Variants in POLR3G observed in about 807,000 individuals in gnomAD.
The protein encoded by POLR3G is RNA polymerase III subunit G.
A neutral mutation model predicts 30.1 loss-of-function variants in POLR3G; 28 were observed. The observed-to-expected ratio is 0.93, with a 90% confidence interval of 0.69 to 1.27. The LOEUF is 1.27. POLR3G is among the 50% of genes most tolerant of loss of function. The probability of loss-of-function intolerance (pLI) is 0.00; values close to 1 mark genes in which losing one functional copy is unlikely to be tolerated. For missense variants in POLR3G, 254 were observed against 264.6 expected, an observed-to-expected ratio of 0.96 and a Z score of 0.28; for synonymous variants, 79 against 82.5, an observed-to-expected ratio of 0.96 and a Z score of 0.23.
At chr5:90,490,570 A>AT in intron 3 of POLR3G, 7 of 387,514 alleles carry the variant, frequency 1.8e-5, no homozygotes, top group South Asian at 5.5e-5. Context: ...GCTAACTTTT[A>AT]ATTTTTTTTT....
chr5:90,506,278 G>C (rs1404149456), intron 6 of POLR3G, among the ~76,000 whole-genome samples: 1 of 152,146 alleles, frequency 6.6e-6, no homozygotes, highest in African/African-American at 2.4e-5. Context: ...TTGTGCATTA[G>C]AGCTGATAAG....
At position 90,512,837 on chromosome 5, in the gene POLR3G, T is replaced by C. The variant is rs1752800552; in HGVS notation, c.*698T>C. On this transcript the variant is annotated 3_prime_UTR_variant, in exon 8 of 8. Transcript: ENST00000651687. ...ACTGTATATGAATTAATCATCCCAC[T>C]GTAATAACTGACATCTTCAAATAGT... 1 of 152,302 alleles carries C rather than the reference T, an allele frequency of 6.6e-6. No individual in the cohort carries two copies. The highest frequency in any genetic ancestry group is 2.4e-5 in the African/African-American group (1 of 41,570). The allele number at this position is 152,302 out of a possible 1,614,324, so 9.4% of individuals were successfully genotyped here.
chr5:90,504,542 A>G (rs1269493159), intron 6 of POLR3G, among the ~76,000 whole-genome samples: 1 of 131,544 alleles, frequency 7.6e-6, no homozygotes, highest in Admixed American at 7.5e-5. Context: ...AGCCTGGGTG[A>G]CAGAGCAAGA....
At chr5:90,508,274 T>G (rs924760953) in intron 7 of POLR3G, among the ~76,000 whole-genome samples, 2 of 152,070 alleles carry the variant, frequency 1.3e-5, no homozygotes, top group African/African-American at 4.8e-5. Context: ...AAGAGGAAAC[T>G]CTATTAAATT....
At chr5:90,489,052 T>C (rs1185147457) in intron 3 of POLR3G, among the ~76,000 whole-genome samples, 2 of 152,164 alleles carry the variant, frequency 1.3e-5, no homozygotes, top group Non-Finnish European at 2.9e-5. Context: ...TCTCATTCCA[T>C]TCGTATTAAA....
At chr5:90,506,366 C>T (rs1324665162) in intron 6 of POLR3G, among the ~76,000 whole-genome samples, 162 bp from the exon 7 acceptor site, 2 of 152,146 alleles carry the variant, frequency 1.3e-5, no homozygotes, top group Admixed American at 6.5e-5. Flanking sequence ...ACAGTAAATT[C>T]CTTCTTTCTT....
At chr5:90,496,524 T>C (rs927673526) in intron 4 of POLR3G, among the ~76,000 whole-genome samples, 1 of 152,154 alleles carries the variant, frequency 6.6e-6, no homozygotes, top group Non-Finnish European at 1.5e-5. Flanking sequence ...AAGAACCATA[T>C]CCAAAAAGAA....
At chr5:90,483,218 G>A (rs962883336) in intron 1 of POLR3G, among the ~76,000 whole-genome samples, 1 of 151,322 alleles carries the variant, frequency 6.6e-6, no homozygotes, top group African/African-American at 2.4e-5. Context: ...TAAAACTCCG[G>A]TCTCCCGCAC....
intron 7 of POLR3G, among the ~76,000 whole-genome samples, chr5:90,506,997 C>T (rs759799986): frequency 1.3e-4 from 20 of 152,140 alleles, no homozygotes; most frequent in Non-Finnish European, 2.2e-4. Flanking sequence ...TTTAAGTCAG[C>T]AATTCAGGTA....
intron 6 of POLR3G, 176 bp downstream of exon 6, chr5:90,502,164 T>C (rs767406934): frequency 3.7e-5 from 36 of 985,424 alleles, no homozygotes; most frequent in Non-Finnish European, 4.3e-5. Context: ...CTGGGAGATA[T>C]GGAGGGTCTG....
At chr5:90,505,740 A>T (rs1430652422) in intron 6 of POLR3G, among the ~76,000 whole-genome samples, 2 of 152,258 alleles carry the variant, frequency 1.3e-5, no homozygotes, top group African/African-American at 4.8e-5. Context: ...AAAGACACAG[A>T]TAAAATGCAA....
At chr5:90,490,527 T>C (rs932288603) in intron 3 of POLR3G, 5 of 323,022 alleles carry the variant, frequency 1.5e-5, no homozygotes, top group African/African-American at 8.8e-5. Flanking sequence ...GCCTCTTGAG[T>C]AGCTGGGACT....
At chr5:90,504,356 C>CTCCT (rs530358470) in intron 6 of POLR3G, among the ~76,000 whole-genome samples, 4,614 of 151,908 alleles carry the variant, frequency 0.03, 204 homozygotes, top group African/African-American at 0.11. Flanking sequence ...GTCAGGAGAT[C>CTCCT]GAGACCATCC....
upstream of POLR3G, chr5:90,474,586 G>C (rs750189733): frequency 2.2e-6 from 1 of 448,970 alleles, no homozygotes; most frequent in Non-Finnish European, 4.0e-6. Flanking sequence ...CGCACCACGA[G>C]AGAGCTTTAA....
At chr5:90,491,386 A>G (rs1043035769) in intron 3 of POLR3G, among the ~76,000 whole-genome samples, 3 of 152,186 alleles carry the variant, frequency 2.0e-5, no homozygotes, top group African/African-American at 7.2e-5. Context: ...ATAGTGTCAT[A>G]AGTCATTTTC....
upstream of POLR3G, chr5:90,474,251 AT>A: frequency 1.2e-6 from 2 of 1,613,638 alleles, no homozygotes; most frequent in Non-Finnish European, 1.7e-6. Flanking sequence ...AGAAGATACC[AT>A]CGCCTAGAGA....
At chr5:90,502,100 T>G in intron 6 of POLR3G, 112 bp downstream of exon 6, 2 of 1,479,470 alleles carry the variant, frequency 1.4e-6, no homozygotes, top group South Asian at 1.4e-5. Context: ...AATGTAAATT[T>G]GGCAGAAGCG....
In POLR3G at chr5:90,484,993, A is replaced by G. The variant is rs192401995; in HGVS notation, c.-43-532A>G. On this transcript the variant is annotated intron_variant, in intron 1 of 7. Transcript: ENST00000651687. ...GGTTTATCATAACTTTAATGATTTTAACTGTTTTTCTCTGAATTTTTTTTT... is the reference window on the plus strand; with the variant it reads ...GGTTTATCATAACTTTAATGATTTTGACTGTTTTTCTCTGAATTTTTTTTT... 1.1e-3 allele frequency among the ~76,000 whole-genome samples: 162 copies of G among 152,238 alleles called. 7 individuals carry two copies. The highest frequency in any genetic ancestry group is 0.01 in the Admixed American group (158 of 15,300).
intron 2 of POLR3G, among the ~76,000 whole-genome samples, chr5:90,487,199 C>T (rs1245215338): frequency 6.6e-6 from 1 of 151,994 alleles, no homozygotes; most frequent in Non-Finnish European, 1.5e-5. Context: ...CAATGAGATA[C>T]TGGATGTTGG....
Sources: allele counts gnomAD v4.1 joint callset (sites outside exome capture counted in the v4.1 genomes callset), GRCh38; gene constraint gnomAD v4.1.1; transcripts MANE v1.5; gene names NCBI Gene and HGNC (gene_info 2026-07-23, HGNC 2026-07-21).